Variants in FBN1 observed in about 807,000 individuals in gnomAD.
FBN1 encodes fibrillin 1.
FBN1 carries 29 observed loss-of-function variants against 365.1 expected under a neutral mutation model. The ratio of observed to expected loss-of-function variants is 0.08; its 90% CI spans 0.06 to 0.11. The LOEUF (loss-of-function observed/expected upper bound fraction) is 0.11. Among genes scored for constraint, FBN1 ranks in the 10% least tolerant of loss-of-function variants. The pLI, the probability that FBN1 is intolerant of heterozygous loss-of-function variation, is 1.00. For missense variants in FBN1, 2,476 were observed against 3,703.2 expected (o/e 0.67, Z 8.60); for synonymous variants, 1,210 against 1,270.5 (o/e 0.95, Z 1.01).
At chr15:48,542,496 A>AG (rs1451861356) in intron 6 of FBN1, among the ~76,000 whole-genome samples, 1 of 152,204 alleles carries the variant, frequency 6.6e-6, no homozygotes, top group Non-Finnish European at 1.5e-5. Context: ...TTTCTGAGGA[A>AG]GGAGTTCAGA....
In FBN1 at chr15:48,495,218, C is replaced by T. The variant is rs794728328; in HGVS notation, c.2582G>A (p.Arg861Gln). ...GTCWQTVIDG[R>Q]CEININGATL... ...GGCTCCATTGATGTTGATCTCACAT[C>T]GCCCATCAATGACAGTCTGCCAGCA... The change falls in exon 22 of 66, where the codon CGA becomes CAA. Residue 861 changes from arginine (R) to glutamine (Q), a missense_variant. By Grantham distance (43) the Arg-to-Gln change is conservative (BLOSUM62 1). This residue lies in a region of FBN1 where 1,780 missense variants were observed against 2,840.8 expected (regional missense o/e 0.63). Coordinates refer to ENST00000316623, the MANE Select transcript of FBN1 (RefSeq NM_000138.5). The T allele has an allele frequency of 6.8e-6, 11 of 1,613,984 alleles. No homozygotes were observed. The highest frequency in any genetic ancestry group is 3.3e-5 in the Admixed American group (2 of 59,994).
intron 10 of FBN1, 91 bp downstream of exon 10, chr15:48,520,568 A>T: frequency 1.4e-6 from 2 of 1,477,404 alleles, no homozygotes; most frequent in Admixed American, 3.6e-5. Flanking sequence ...TCATTTACCC[A>T]AGTTTCCATT....
intron 9 of FBN1, among the ~76,000 whole-genome samples, chr15:48,523,819 G>C (rs1370453226): frequency 6.6e-6 from 1 of 151,912 alleles, no homozygotes; most frequent in Non-Finnish European, 1.5e-5. Context: ...GGACATAAAG[G>C]GACACAGAAG....
At chr15:48,532,955 A>G (rs116734792) in intron 8 of FBN1, among the ~76,000 whole-genome samples, 1,698 of 152,338 alleles carry the variant, frequency 0.011, 35 homozygotes, top group African/African-American at 0.039. Context: ...TAACCTAAAA[A>G]CAATTCCAAC....
intron 65 of FBN1, 86 bp from the exon 66 acceptor site, chr15:48,411,465 C>G: frequency 7.9e-7 from 1 of 1,263,852 alleles, no homozygotes; most frequent in Non-Finnish European, 1.1e-6. Flanking sequence ...TCAAATTTCA[C>G]ACTAATACAA....
rs368498971 is a variant in FBN1 at position 48,574,377 on chromosome 15, A to C, written c.538+21906T>G. Among the ~76,000 whole-genome samples the C allele has an allele frequency of 4.3e-4, 65 of 152,348 alleles. 1 individual carries two copies. The South Asian group carries it at 0.013, about 31-fold the overall frequency. ...CAGCATGGATGAAGCATGGCACTGC[A>C]AACATATACTGTAGATTGTGGATTG... On this transcript the variant is annotated intron_variant, in intron 6 of 65. Coordinates refer to ENST00000316623, the MANE Select transcript of FBN1 (RefSeq NM_000138.5).
At chr15:48,624,593 C>G (rs1352392923) in intron 2 of FBN1, among the ~76,000 whole-genome samples, 1 of 152,234 alleles carries the variant, frequency 6.6e-6, no homozygotes, top group African/African-American at 2.4e-5. Context: ...TCTGGAGCAT[C>G]TGAGAGGATA....
intron 2 of FBN1, among the ~76,000 whole-genome samples, chr15:48,618,894 T>C (rs1040795229): frequency 1.3e-5 from 2 of 152,172 alleles, no homozygotes; most frequent in African/African-American, 4.8e-5. Context: ...ACTGATGATC[T>C]GTCACTGTCT....
rs138653102 is a variant in FBN1, at chr15:48,440,192, G to C, written c.6163+1529C>G. Among the ~76,000 whole-genome samples the C allele has an allele frequency of 2.5e-3, 384 of 152,276 alleles. 3 individuals are homozygous for C. The highest frequency in any genetic ancestry group is 8.5e-3 in the African/African-American group (352 of 41,556). ...CTGTTTACCAGTCCATCTGCAAAGAGCCCTTAATGACCTCGAAATTTCATC... is the reference window on the plus strand; with the variant it reads ...CTGTTTACCAGTCCATCTGCAAAGACCCCTTAATGACCTCGAAATTTCATC... On this transcript the variant is annotated intron_variant, in intron 50 of 65. Transcript: ENST00000316623.
At chr15:48,432,824 T>C (rs750101772) in intron 55 of FBN1, 42 bp downstream of exon 55, 27 of 1,612,282 alleles carry the variant, frequency 1.7e-5, no homozygotes, top group Non-Finnish European at 2.1e-5. Flanking sequence ...CCCTCACAGA[T>C]AAAGCTTCCT....
chr15:48,607,133 A>T (rs1356194129), intron 4 of FBN1, among the ~76,000 whole-genome samples: 1 of 152,180 alleles, frequency 6.6e-6, no homozygotes, highest in Non-Finnish European at 1.5e-5. Flanking sequence ...AGACTAAGGC[A>T]ACTGTTTGTA....
At chr15:48,585,496 T>C (rs974891236) in intron 6 of FBN1, among the ~76,000 whole-genome samples, 1 of 152,218 alleles carries the variant, frequency 6.6e-6, no homozygotes, top group African/African-American at 2.4e-5. Flanking sequence ...TTTATAAATA[T>C]TGTTGTCCAG....
At position 48,487,174 on chromosome 15, in the gene FBN1, G is replaced by A; in HGVS notation, c.3490C>T (p.His1164Tyr). 1.2e-6 allele frequency: 2 copies of A among 1,614,182 alleles called. No individual in the cohort carries two copies. Among genetic ancestry groups the A allele is most frequent in the Middle Eastern group, 3.3e-4 (2 of 6,062 alleles). The change falls in exon 29 of 66, where the codon CAC becomes TAC. Residue 1164 changes from histidine to tyrosine, a missense_variant. Physicochemically the swap from His to Tyr is moderately conservative, Grantham distance 83 (BLOSUM62 2). Coordinates refer to ENST00000316623, the MANE Select transcript of FBN1 (RefSeq NM_000138.5). Reference protein sequence around the residue: ...IDINECELSAHLCPNGRCVNL... With the variant: ...IDINECELSAYLCPNGRCVNL... ...ACGCAACGGCCATTGGGGCACAGGT[G>A]TGCACTCAGCTCACATTCATTGATG... is the stretch of plus-strand genomic sequence containing the variant.
chr15:48,630,029 C>A (rs1889954915), intron 2 of FBN1, among the ~76,000 whole-genome samples: 1 of 152,222 alleles, frequency 6.6e-6, no homozygotes, highest in African/African-American at 2.4e-5. Context: ...AAGTATCCAG[C>A]TACTAAATAA....
chr15:48,456,802 C>T (rs1448877895), intron 43 of FBN1, 40 bp from the exon 44 acceptor site: 2 of 1,600,720 alleles, frequency 1.2e-6, no homozygotes, highest in African/African-American at 2.7e-5. Flanking sequence ...CAGGACAGCA[C>T]ATGATCCCTG....
chr15:48,416,395 T>C (rs117931065), intron 63 of FBN1, among the ~76,000 whole-genome samples: 6 of 152,316 alleles, frequency 3.9e-5, no homozygotes, highest in Admixed American at 3.3e-4. Context: ...GTACCTGTTC[T>C]GGGAGATGAA....
chr15:48,417,451 C>CCTTG (rs2042911364), intron 63 of FBN1, among the ~76,000 whole-genome samples: 1 of 115,166 alleles, frequency 8.7e-6, no homozygotes, highest in Non-Finnish European at 1.8e-5. Flanking sequence ...TCCCTCCTTT[C>CCTTG]CTTCCTTCCT....
chr15:48,529,123 G>GC (rs2043943969), intron 8 of FBN1: 1 of 152,238 alleles, frequency 6.6e-6, no homozygotes, highest in Non-Finnish European at 1.5e-5. Flanking sequence ...TGTGTCAAAT[G>GC]CCAGCCATGA....
At chr15:48,529,154 C>T (rs561341126) in intron 8 of FBN1, 33 of 152,388 alleles carry the variant, frequency 2.2e-4, no homozygotes, top group African/African-American at 7.5e-4. Context: ...GGTGGGGACG[C>T]TTGCTGGGGA....
Sources: allele counts gnomAD v4.1 joint callset (sites outside exome capture counted in the v4.1 genomes callset), GRCh38; gene constraint gnomAD v4.1.1; regional missense constraint gnomAD v4.1.1; transcripts MANE v1.5; gene names NCBI Gene and HGNC (gene_info 2026-07-23, HGNC 2026-07-21).